WDFY3: variants seen among roughly 807,000 people sequenced by gnomAD.
WDFY3 encodes the protein WD repeat and FYVE domain-containing protein 3.
Under a neutral mutation model 409.6 loss-of-function variants are expected in WDFY3, and 66 were observed. The ratio of observed to expected loss-of-function variants is 0.16; its 90% CI spans 0.13 to 0.20. WDFY3 has a LOEUF of 0.20. Ranked by LOEUF, WDFY3 falls within the 10% of genes least tolerant of loss-of-function variation. WDFY3 has a pLI of 1.00. For synonymous variants in WDFY3, 1,521 were observed against 1,537.1 expected (o/e 0.99, Z 0.25); for missense variants, 3,031 against 4,298.1 (o/e 0.71, Z 8.24).
rs1464316179 is a variant in WDFY3 at position 84,918,838 on chromosome 4, T to TAC, written c.-132+13430_-132+13431dup. Among the ~76,000 whole-genome samples, 1,071 of 149,898 alleles carry TAC rather than the reference T, an allele frequency of 7.1e-3. 10 individuals carry two copies. Among genetic ancestry groups the TAC allele is most frequent in the African/African-American group, 0.025 (1,020 of 40,552 alleles). On this transcript the variant is annotated intron_variant, in intron 2 of 67. Coordinates refer to ENST00000295888, the MANE Select transcript of WDFY3 (RefSeq NM_014991.6). ...GTGTATATATATATAGATATATATA[T>TAC]ACACACACACACATATATATATATA...
chr4:84,724,705 T>C, intron 45 of WDFY3, 111 bp from the exon 46 acceptor site: 1 of 1,183,432 alleles, frequency 8.4e-7, no homozygotes, highest in Middle Eastern at 2.8e-4. Flanking sequence ...AAAGGGGCTT[T>C]TCATAGACTG....
At chr4:84,800,184 T>A (rs574863439) in intron 17 of WDFY3, among the ~76,000 whole-genome samples, 12 of 152,320 alleles carry the variant, frequency 7.9e-5, no homozygotes, top group African/African-American at 2.9e-4. Flanking sequence ...TTAACAAATG[T>A]TTACTGCATA....
intron 1 of WDFY3, among the ~76,000 whole-genome samples, chr4:84,958,629 G>C (rs961110750): frequency 3.3e-5 from 5 of 152,138 alleles, no homozygotes; most frequent in African/African-American, 1.2e-4. Flanking sequence ...TCAAGTAGGA[G>C]ACAGGAATGC....
chr4:84,697,280 T>C (rs148811749), intron 56 of WDFY3, among the ~76,000 whole-genome samples: 143 of 152,352 alleles, frequency 9.4e-4, no homozygotes, highest in Non-Finnish European at 1.7e-3. Context: ...ACTGTAGATA[T>C]CTGTAATACA....
intron 59 of WDFY3, among the ~76,000 whole-genome samples, chr4:84,692,491 T>C (rs933534911): frequency 6.6e-6 from 1 of 152,194 alleles, no homozygotes; most frequent in Admixed American, 6.5e-5. Context: ...TGTCTTTTCA[T>C]TGGCATACTA....
chr4:84,677,961 C>CAAAAAA (rs986393073), intron 66 of WDFY3, among the ~76,000 whole-genome samples: 252 of 20,512 alleles, frequency 0.012, no homozygotes, highest in Middle Eastern at 0.033. Context: ...GACCCTGTCT[C>CAAAAAA]AAAAAAAAAA....
At chr4:84,782,076 A>AC (rs1444075221) in intron 25 of WDFY3, among the ~76,000 whole-genome samples, 1 of 152,230 alleles carries the variant, frequency 6.6e-6, no homozygotes, top group Admixed American at 6.5e-5. Context: ...ATCCTATCTA[A>AC]CAAAAAAACA....
At chr4:84,842,075 T>TC (rs1757435168) in intron 5 of WDFY3, among the ~76,000 whole-genome samples, 1 of 152,202 alleles carries the variant, frequency 6.6e-6, no homozygotes, top group African/African-American at 2.4e-5. Context: ...ATATTTCTTA[T>TC]TAGAGAGAAG....
In WDFY3 at chr4:84,848,999, C is replaced by A. The variant is rs377340853; in HGVS notation, c.304+903G>T. Among the ~76,000 whole-genome samples, 8 of 152,062 alleles carry A rather than the reference C, an allele frequency of 5.3e-5. No individual in the cohort carries two copies. The East Asian group carries it at 5.8e-4, about 11-fold the overall frequency. On this transcript the variant is annotated intron_variant, in intron 5 of 67. Transcript: ENST00000295888. ...TGAAAAGAAAAGAACCCATTTTTCACAGCAATAGTCAAAAAATGTTTAACT... is the reference window on the plus strand; with the variant it reads ...TGAAAAGAAAAGAACCCATTTTTCAAAGCAATAGTCAAAAAATGTTTAACT...
At chr4:84,701,856 T>C (rs1375019594) in intron 56 of WDFY3, among the ~76,000 whole-genome samples, 2 of 152,260 alleles carry the variant, frequency 1.3e-5, no homozygotes, top group East Asian at 3.8e-4. Context: ...ACTGAGAATG[T>C]ATTAGGCAAT....
intron 5 of WDFY3, among the ~76,000 whole-genome samples, chr4:84,848,239 G>T: frequency 6.7e-6 from 1 of 149,770 alleles, no homozygotes; most frequent in East Asian, 2.0e-4. Context: ...ACAAAGAGAG[G>T]ATCCTAAAAG....
chr4:84,760,123 T>C (rs1036099795), intron 32 of WDFY3, among the ~76,000 whole-genome samples: 4 of 151,616 alleles, frequency 2.6e-5, no homozygotes, highest in African/African-American at 9.7e-5. Context: ...TTTGCATATA[T>C]TGAACCAGCC....
At chr4:84,909,742 G>T (rs138319064) in intron 2 of WDFY3, among the ~76,000 whole-genome samples, 2 of 151,856 alleles carry the variant, frequency 1.3e-5, no homozygotes, top group African/African-American at 4.8e-5. Flanking sequence ...ACTAGATTAC[G>T]TGACTTATTG....
rs1726459574 is a variant in WDFY3 at position 84,677,321 on chromosome 4, A to G, written c.10335T>C (p.Arg3445=). The G allele has an allele frequency of 6.2e-7, 1 of 1,614,070 alleles. No individual in the cohort carries two copies. The highest frequency in any genetic ancestry group is 8.5e-7 in the Non-Finnish European group (1 of 1,180,028). The part of the protein sequence containing the change: ...FSWSVSDQPG[R]SAADHWVKDE... ...CCTTCACCCAGTGATCAGCAGCAGA[A>G]CGGCCTGGCTGGTCACTCACAGACC... Residue 3445 remains arginine, a synonymous_variant, in exon 67 of 68, where the codon CGT becomes CGC. Coordinates refer to ENST00000295888, the MANE Select transcript of WDFY3 (RefSeq NM_014991.6).
chr4:84,738,471 G>A (rs1481220487), intron 40 of WDFY3, among the ~76,000 whole-genome samples: 2 of 151,956 alleles, frequency 1.3e-5, no homozygotes, highest in East Asian at 1.9e-4. Context: ...GCGTGGTGAT[G>A]TGCACCTGTA....
intron 50 of WDFY3, among the ~76,000 whole-genome samples, chr4:84,714,875 G>A (rs1021973164): frequency 2.6e-5 from 4 of 151,544 alleles, no homozygotes; most frequent in Admixed American, 6.6e-5. Context: ...GCGTGAACCC[G>A]GGAGGCGGAG....
At chr4:84,788,364 T>C (rs1181434103) in intron 22 of WDFY3, among the ~76,000 whole-genome samples, 2 of 152,182 alleles carry the variant, frequency 1.3e-5, no homozygotes, top group Non-Finnish European at 2.9e-5. Context: ...ACATAAGAGC[T>C]AGAGTTGATT....
chr4:84,802,397 C>A (rs1316194033), intron 16 of WDFY3, among the ~76,000 whole-genome samples: 1 of 151,806 alleles, frequency 6.6e-6, no homozygotes, highest in East Asian at 1.9e-4. Context: ...GTAGCTCGGA[C>A]TACAGGTGCC....
At chr4:84,930,561 T>C (rs1213881103) in intron 2 of WDFY3, among the ~76,000 whole-genome samples, 2 of 152,192 alleles carry the variant, frequency 1.3e-5, no homozygotes, top group Non-Finnish European at 2.9e-5. Flanking sequence ...GAAAAAGTAA[T>C]TTACCCAAAA....
Sources: gnomAD v4.1 joint callset for allele counts (sites outside exome capture counted in the v4.1 genomes callset) on GRCh38, gnomAD v4.1.1 for gene constraint, MANE v1.5 for transcripts, NCBI Gene and HGNC (gene_info 2026-07-23, HGNC 2026-07-21) for gene names.